CPT2: variants seen among roughly 807,000 people sequenced by gnomAD.
CPT2 encodes the protein carnitine palmitoyltransferase 2.
CPT2 carries 37 observed loss-of-function variants against 48.6 expected under a neutral mutation model. The observed-to-expected ratio is 0.76, with a 90% CI of 0.59 to 1.00. CPT2 has a LOEUF of 1.00. Among genes scored for constraint, CPT2 ranks in the 50% least tolerant of loss-of-function variants. The pLI is 0.00. For missense variants in CPT2, 772 were observed against 825.6 expected (o/e 0.94, Z 0.80); for synonymous variants, 319 against 326.9 (o/e 0.98, Z 0.26).
intron 2 of CPT2, chr1:53,201,132 AC>A (rs1645352733): frequency 5.4e-6 from 2 of 372,356 alleles, no homozygotes; most frequent in Non-Finnish European, 1.0e-5. Context: ...CATTGAGGAG[AC>A]CATACGGCAG....
In CPT2 at chr1:53,201,296, T is replaced by C; in HGVS notation, c.233+497T>C. ...AAGATGAGGTCCTACTGGAGTATTG[T>C]GGGTCCTTAATTAAATATGACTGGT... On this transcript the variant is annotated intron_variant, in intron 2 of 4. Transcript: ENST00000371486. The C allele has an allele frequency of 1.6e-5, 3 of 192,042 alleles. No homozygotes were observed. The South Asian group carries it at 3.1e-4, about 20-fold the overall frequency. 11.9% of individuals were successfully genotyped at this position (192,042 alleles called of 1,614,324 possible).
chr1:53,202,219 A>T, intron 2 of CPT2, 104 bp from the exon 3 acceptor site: 2 of 814,956 alleles, frequency 2.5e-6, no homozygotes. Context: ...TTTTAGGGCT[A>T]TGCTGTTGGG....
chr1:53,213,516 C>G lies in CPT2; in HGVS notation c.1898C>G (p.Ala633Gly). The change falls in exon 5 of 5, where the codon GCC becomes GGC. Residue 633 changes from alanine to glycine, a missense_variant. Transcript: ENST00000371486. ...CNVSSYPGRN[A>G]REFLQCVEKA... ...GTCTCTTCCTACCCAGGCCGCAATG[C>G]CCGGGAGTTTCTCCAATGTGTGGAG... 6.2e-7 allele frequency: 1 copy of G among 1,614,232 alleles called. No individual in the cohort carries two copies. Among genetic ancestry groups the G allele is most frequent in the Non-Finnish European group, 8.5e-7 (1 of 1,180,048 alleles).
chr1:53,202,722 C>T, intron 3 of CPT2: 1 of 421,902 alleles, frequency 2.4e-6, no homozygotes, highest in Non-Finnish European at 4.5e-6. Context: ...GTCCTATGTC[C>T]TATATCATTC....
intron 3 of CPT2, 50 bp from the exon 4 acceptor site, chr1:53,209,965 T>A: frequency 6.6e-7 from 1 of 1,510,518 alleles, no homozygotes; most frequent in Non-Finnish European, 9.2e-7. Context: ...AATTTTATTT[T>A]TAGGGACAGC....
At position 53,213,699 on chromosome 1, in the gene CPT2, C is replaced by T. The variant is rs1278710647; in HGVS notation, c.*104C>T. ...ATCCCAGCATTTTGAGAGGCTGAGG[C>T]GGGTGGATCACTTGAGGTCAGGAGT... On this transcript the variant is annotated 3_prime_UTR_variant, in exon 5 of 5. Coordinates refer to ENST00000371486, the MANE Select transcript of CPT2 (RefSeq NM_000098.3). 1.0e-5 allele frequency: 11 copies of T among 1,062,500 alleles called. No homozygotes were observed. Among genetic ancestry groups the T allele is most frequent in the South Asian group, 2.7e-5 (2 of 74,414 alleles). 65.8% of individuals were successfully genotyped at this position (1,062,500 alleles called of 1,614,324 possible).
Position 53,211,182 on chromosome 1 carries a change from G to A in CPT2, c.1508G>A (p.Arg503His), listed in dbSNP as rs750079911. Residue 503 changes from arginine (R) to histidine (H), a missense_variant, in exon 4 of 5, where the codon CGC (arginine) becomes CAC (histidine). Coordinates refer to ENST00000371486, the MANE Select transcript of CPT2 (RefSeq NM_000098.3). The part of the protein sequence containing the change: ...AFKHGRTETI[R>H]PASVYTKRCS... ...AAGCACGGCCGCACTGAGACCATCCGCCCGGCCTCCGTCTATACAAAGAGG... is the reference window on the plus strand; with the variant it reads ...AAGCACGGCCGCACTGAGACCATCCACCCGGCCTCCGTCTATACAAAGAGG... 7 of 1,608,480 alleles carry A rather than the reference G, an allele frequency of 4.4e-6. No homozygotes were observed. The highest frequency in any genetic ancestry group is 4.5e-5 in the East Asian group (2 of 44,782).
chr1:53,205,946 G>C (rs1024220073), intron 3 of CPT2, among the ~76,000 whole-genome samples: 1 of 152,174 alleles, frequency 6.6e-6, no homozygotes, highest in Non-Finnish European at 1.5e-5. Flanking sequence ...ACTTTGGGAG[G>C]CCAAGGCGGG....
intron 1 of CPT2, among the ~76,000 whole-genome samples, chr1:53,198,411 T>G (rs1645336597): frequency 6.6e-6 from 1 of 152,234 alleles, no homozygotes; most frequent in East Asian, 1.9e-4. Context: ...CTTGTGAAAT[T>G]ACATTTTGTG....
At position 53,210,315 on chromosome 1, in the gene CPT2, T is replaced by C. The variant is rs515726174; in HGVS notation, c.641T>C (p.Met214Thr). The C allele has an allele frequency of 1.2e-6, 2 of 1,614,196 alleles. No individual in the cohort carries two copies. The highest frequency in any genetic ancestry group is 1.1e-5 in the South Asian group (1 of 91,090). Residue 214 changes from methionine to threonine, a missense_variant, in exon 4 of 5, where the codon ATG becomes ACG. Coordinates refer to ENST00000371486, the MANE Select transcript of CPT2 (RefSeq NM_000098.3). ...AYLVNAYPLD[M>T]SQYFRLFNST... is the part of the protein sequence containing the mutation. Reference sequence around the variant, plus strand: ...CTGGTCAATGCGTATCCCCTGGATATGTCCCAGTATTTTCGGCTTTTCAAC... The same window carrying C: ...CTGGTCAATGCGTATCCCCTGGATACGTCCCAGTATTTTCGGCTTTTCAAC...
chr1:53,198,346 C>T (rs1645336241), intron 1 of CPT2, among the ~76,000 whole-genome samples: 3 of 152,238 alleles, frequency 2.0e-5, no homozygotes, highest in Non-Finnish European at 4.4e-5. Flanking sequence ...TCTGGGACCA[C>T]TTAACCCAAC....
At chr1:53,198,383 C>G (rs1013631547) in intron 1 of CPT2, among the ~76,000 whole-genome samples, 2 of 152,208 alleles carry the variant, frequency 1.3e-5, no homozygotes, top group South Asian at 4.1e-4. Context: ...CTCACCCTCT[C>G]AGGAGGATCG....
At chr1:53,200,414 AT>A (rs1316739408) in intron 1 of CPT2, 3 of 338,924 alleles carry the variant, frequency 8.9e-6, no homozygotes, top group Non-Finnish European at 1.7e-5. Flanking sequence ...AGGTGTTATC[AT>A]TGTGACCAGA....
At chr1:53,199,641 T>C (rs1205811999) in intron 1 of CPT2, 1 of 152,242 alleles carries the variant, frequency 6.6e-6, no homozygotes, top group Non-Finnish European at 1.5e-5. Flanking sequence ...ACTGGAATTA[T>C]GAGGTAGCTG....
At chr1:53,204,331 T>G (rs991974174) in intron 3 of CPT2, 4 of 152,028 alleles carry the variant, frequency 2.6e-5, no homozygotes, top group African/African-American at 9.7e-5. Context: ...TACTTAATTT[T>G]AATCTCTCAA....
intron 2 of CPT2, 28 bp downstream of exon 2, chr1:53,200,827 TAGTTGGGGTGGTTC>T: frequency 2.5e-6 from 4 of 1,573,362 alleles, no homozygotes; most frequent in Non-Finnish European, 2.6e-6. Context: ...TGGGTGAGCA[TAGTTGGGGTGGTTC>T]AAGACAGGCT....
chr1:53,211,241 C>T lies in CPT2; in HGVS notation c.1567C>T (p.His523Tyr). 1 of 1,611,872 alleles carries T rather than the reference C, an allele frequency of 6.2e-7. No homozygotes were observed. Residue 523 changes from histidine to tyrosine, a missense_variant, in exon 4 of 5, where the codon CAC (histidine) becomes TAC (tyrosine). His to Tyr is a moderately conservative substitution (Grantham distance 83, BLOSUM62 2). Transcript: ENST00000371486. The part of the protein sequence containing the change: ...SEAFVREPSR[H>Y]SAGELQQMMV... ...GGCCTTTGTCAGGGAGCCCTCCAGG[C>T]ACAGTGCTGGTGAGCTTCAGCAGAT...
At chr1:53,212,400 G>A (rs946969616) in intron 4 of CPT2, among the ~76,000 whole-genome samples, 1 of 151,786 alleles carries the variant, frequency 6.6e-6, no homozygotes, top group Non-Finnish European at 1.5e-5. Flanking sequence ...AGGTCCCACT[G>A]TATTGCCCAA....
chr1:53,200,556 T>C, intron 1 of CPT2, 163 bp from the exon 2 acceptor site: 3 of 664,454 alleles, frequency 4.5e-6, no homozygotes, highest in East Asian at 5.4e-5. Flanking sequence ...ACCATTGATA[T>C]ACTTGGCATT....
Sources: allele counts gnomAD v4.1 joint callset (sites outside exome capture counted in the v4.1 genomes callset), GRCh38; gene constraint gnomAD v4.1.1; transcripts MANE v1.5; gene names NCBI Gene and HGNC (gene_info 2026-07-23, HGNC 2026-07-21).